GPR161: variants seen among roughly 807,000 people sequenced by gnomAD.
GPR161 encodes G-protein coupled receptor RE2.
A neutral mutation model predicts 39.2 loss-of-function variants in GPR161; 25 were observed. That is an observed-to-expected ratio of 0.64 (90% CI 0.47 to 0.89). The LOEUF is 0.89. Among genes scored for constraint, GPR161 ranks in the 40% least tolerant of loss-of-function variants. The probability of loss-of-function intolerance (pLI) is 0.00; values close to 1 mark genes in which losing one functional copy is unlikely to be tolerated. For missense variants in GPR161, 547 were observed against 677.8 expected (o/e 0.81, Z 2.14); for synonymous variants, 286 against 276.6 (o/e 1.03, Z -0.34).
At chr1:168,119,711 A>G (rs1205469428) in intron 1 of GPR161, among the ~76,000 whole-genome samples, 1 of 152,082 alleles carries the variant, frequency 6.6e-6, no homozygotes, top group Non-Finnish European at 1.5e-5. Context: ...CCCACATGTC[A>G]AGGGAGGGAT....
chr1:168,097,264 G>C (rs777316658), intron 2 of GPR161, 32 bp from the exon 3 acceptor site: 1 of 1,577,834 alleles, frequency 6.3e-7, no homozygotes, highest in African/African-American at 1.3e-5. Context: ...GCAAGAGAGA[G>C]AAGTCAGCGG....
chr1:168,104,335 C>G, intron 2 of GPR161, 142 bp downstream of exon 2: 1 of 637,268 alleles, frequency 1.6e-6, no homozygotes, highest in Non-Finnish European at 2.8e-6. Flanking sequence ...GAGATGGCTC[C>G]AGAGGCAGAA....
At chr1:168,095,202 C>A (rs1376174053) in intron 3 of GPR161, among the ~76,000 whole-genome samples, 1 of 152,186 alleles carries the variant, frequency 6.6e-6, no homozygotes, top group Non-Finnish European at 1.5e-5. Context: ...ACAAAGCTGT[C>A]AATGTCATAA....
intron 1 of GPR161, among the ~76,000 whole-genome samples, chr1:168,128,984 A>G (rs1407185590): frequency 1.3e-5 from 2 of 152,228 alleles, no homozygotes; most frequent in Non-Finnish European, 2.9e-5. Context: ...TCAACTCTAC[A>G]GCTGGGGCAT....
intron 3 of GPR161, among the ~76,000 whole-genome samples, chr1:168,091,355 G>C (rs1695046919): frequency 6.6e-6 from 1 of 152,158 alleles, no homozygotes; most frequent in Non-Finnish European, 1.5e-5. Flanking sequence ...AAAAACTGAG[G>C]GTATTGTGGA....
upstream of GPR161, chr1:168,137,491 C>T: frequency 8.7e-7 from 1 of 1,145,338 alleles, no homozygotes; most frequent in East Asian, 2.6e-5. Context: ...CGAAGCCAGC[C>T]CCGGGGAGTG....
chr1:168,110,924 CA>C (rs34703966), intron 1 of GPR161, among the ~76,000 whole-genome samples: 159 of 131,516 alleles, frequency 1.2e-3, no homozygotes, highest in East Asian at 1.2e-3. Flanking sequence ...AACTCTATCT[CA>C]AAAAAAAAAA....
chr1:168,137,074 C>T (rs2102282744), upstream of GPR161: 2 of 695,286 alleles, frequency 2.9e-6, no homozygotes, highest in Middle Eastern at 7.3e-4. Context: ...CGCGCCCCTT[C>T]CTTCGCGTCC....
At chr1:168,117,626 GTGTT>G (rs571635965) in intron 1 of GPR161, among the ~76,000 whole-genome samples, 27 of 152,306 alleles carry the variant, frequency 1.8e-4, no homozygotes, top group African/African-American at 6.3e-4. Context: ...TTAGTGCTAC[GTGTT>G]TGTTAAATAA....
intron 2 of GPR161, among the ~76,000 whole-genome samples, chr1:168,099,966 C>T (rs751828897): frequency 2.0e-5 from 3 of 151,654 alleles, no homozygotes; most frequent in Non-Finnish European, 4.4e-5. Context: ...TTTGGGAGTC[C>T]AAGATAGAAG....
intron 1 of GPR161, among the ~76,000 whole-genome samples, chr1:168,127,155 A>G (rs1381610444): frequency 1.3e-5 from 2 of 152,220 alleles, no homozygotes; most frequent in Non-Finnish European, 2.9e-5. Context: ...TTAAGACATG[A>G]AAAGAAAACT....
intron 1 of GPR161, among the ~76,000 whole-genome samples, chr1:168,127,941 G>C (rs1393526114): frequency 6.6e-6 from 1 of 152,170 alleles, no homozygotes; most frequent in African/African-American, 2.4e-5. Context: ...GACTCCATAA[G>C]GGGCTCAGGG....
chr1:168,126,296 C>T (rs1342435910), intron 1 of GPR161, among the ~76,000 whole-genome samples: 1 of 152,148 alleles, frequency 6.6e-6, no homozygotes, highest in East Asian at 1.9e-4. Flanking sequence ...CTTATTTGAA[C>T]ACCGTCTATC....
Position 168,136,802 on chromosome 1 carries a change from C to A in GPR161, c.-108G>T. ...GCCGCCTCCCCGCCTCGGCCACCGCCGCCGCCGCTTCCTTCCTCCCCGCCG... is the reference window on the plus strand; with the variant it reads ...GCCGCCTCCCCGCCTCGGCCACCGCAGCCGCCGCTTCCTTCCTCCCCGCCG... On this transcript the variant is annotated 5_prime_UTR_variant, in exon 1 of 6. Transcript: ENST00000682931. 9.1e-6 allele frequency: 9 copies of A among 985,810 alleles called. No homozygotes were observed. Among genetic ancestry groups the A allele is most frequent in the Non-Finnish European group, 1.1e-5 (9 of 830,516 alleles). 61.1% of individuals were successfully genotyped at this position (985,810 alleles called of 1,614,324 possible). A position where few individuals can be genotyped will look rare whatever the true frequency, so the allele number is the denominator to read the frequency against.
chr1:168,107,818 T>C (rs961175441), intron 1 of GPR161, among the ~76,000 whole-genome samples: 1 of 152,140 alleles, frequency 6.6e-6, no homozygotes, highest in African/African-American at 2.4e-5. Flanking sequence ...GACCAGGAAA[T>C]TCCAAAGGTT....
At chr1:168,137,103 C>G, upstream of GPR161, 1 of 1,075,370 alleles carries the variant, frequency 9.3e-7, no homozygotes, top group Non-Finnish European at 1.1e-6. Context: ...GCCCTCCCGG[C>G]TGCTTCTTTC....
chr1:168,111,292 C>T (rs955597038), intron 1 of GPR161, among the ~76,000 whole-genome samples: 2 of 152,170 alleles, frequency 1.3e-5, no homozygotes, highest in Non-Finnish European at 2.9e-5. Flanking sequence ...CCAAGTGCCT[C>T]AGAGAAGCCT....
chr1:168,136,731 G>A lies in GPR161; in HGVS notation c.-45+8C>T. ...GGCCCGCGCCCGCGCCCCACGCCGG[G>A]TGCTCACCGAGGAGCGGCCGCCGCG... On this transcript the variant is annotated splice_region_variant and intron_variant, in intron 1 of 5. Transcript: ENST00000682931. 9.9e-7 allele frequency: 1 copy of A among 1,013,650 alleles called. No homozygotes were observed. The highest frequency in any genetic ancestry group is 1.2e-6 in the Non-Finnish European group (1 of 849,410). The allele number at this position is 1,013,650 out of a possible 1,614,324, so 62.8% of individuals were successfully genotyped here.
chr1:168,097,026 A>C lies in GPR161; in HGVS notation c.581T>G (p.Ile194Ser), dbSNP rs1695618565. The C allele has an allele frequency of 6.2e-7, 1 of 1,614,136 alleles. No homozygotes were observed. The highest frequency in any genetic ancestry group is 8.5e-7 in the Non-Finnish European group (1 of 1,180,024). The change falls in exon 3 of 6, where the codon ATC becomes AGC. Residue 194 changes from isoleucine (I) to serine (S), a missense_variant. Transcript: ENST00000682931. ...REPGYTAFWQ[I>S]WCALFPFLVM... ...CAGAAAGGGGAAGAGGGCACACCAG[A>C]TCTGCCAGAAGGCCGTGTAGCCAGG...
Sources: gnomAD v4.1 joint callset for allele counts (sites outside exome capture counted in the v4.1 genomes callset) on GRCh38, gnomAD v4.1.1 for gene constraint, MANE v1.5 for transcripts, NCBI Gene and HGNC (gene_info 2026-07-23, HGNC 2026-07-21) for gene names.